Variants in LRP1B observed in about 807,000 individuals in gnomAD.
LRP1B encodes LDL receptor related protein 1B, also known as low-density lipoprotein receptor-related protein 1B.
Under a neutral mutation model 556.6 loss-of-function variants are expected in LRP1B, and 217 were observed. The observed-to-expected ratio is 0.39, with a 90% CI of 0.35 to 0.44. The LOEUF is 0.44. LRP1B is among the 20% of genes least tolerant of loss of function. The pLI, the probability that LRP1B is intolerant of heterozygous loss-of-function variation, is 1.00. For synonymous variants in LRP1B, 2,047 were observed against 1,865.8 expected, an observed-to-expected ratio of 1.10 and a Z score of -2.50; for missense variants, 5,053 against 5,620.8, an observed-to-expected ratio of 0.90 and a Z score of 3.23.
intron 4 of LRP1B, among the ~76,000 whole-genome samples, chr2:141,247,788 T>C (rs1684121357): frequency 6.6e-6 from 1 of 152,202 alleles, no homozygotes; most frequent in African/African-American, 2.4e-5. Context: ...TCACACTCAC[T>C]ACTTTAAAGA....
intron 62 of LRP1B, among the ~76,000 whole-genome samples, chr2:140,455,766 T>C (rs979267720): frequency 1.3e-5 from 2 of 152,146 alleles, no homozygotes; most frequent in African/African-American, 4.8e-5. Context: ...AACTCAAACA[T>C]AGAATTCTAA....
chr2:141,445,285 A>G (rs763894088), intron 3 of LRP1B, among the ~76,000 whole-genome samples: 13 of 152,002 alleles, frequency 8.6e-5, no homozygotes, highest in Non-Finnish European at 1.3e-4. Flanking sequence ...CCCCTTTATC[A>G]TTTTTTATTG....
intron 3 of LRP1B, among the ~76,000 whole-genome samples, chr2:141,479,810 T>G (rs1284757506): frequency 6.6e-6 from 1 of 152,164 alleles, no homozygotes; most frequent in Non-Finnish European, 1.5e-5. Context: ...TTTTATTAAT[T>G]TTTAGATTTT....
At chr2:141,077,292 C>T (rs6735038) in intron 7 of LRP1B, among the ~76,000 whole-genome samples, 35,958 of 151,922 alleles carry the variant, frequency 0.24, 4,903 homozygotes, top group East Asian at 0.44. Context: ...AAAAAGTAGG[C>T]TATGCAATAC....
chr2:141,484,534 A>G (rs1683047871), intron 2 of LRP1B, among the ~76,000 whole-genome samples: 1 of 152,118 alleles, frequency 6.6e-6, no homozygotes, highest in African/African-American at 2.4e-5. Context: ...ATGGCATTGA[A>G]TCTATAAATT....
intron 7 of LRP1B, among the ~76,000 whole-genome samples, chr2:141,159,968 A>G (rs148903354): frequency 1.3e-5 from 2 of 152,188 alleles, no homozygotes; most frequent in African/African-American, 4.8e-5. Context: ...CAGAGAGGGT[A>G]ACAACACACA....
At chr2:141,036,356 A>G (rs1698532609) in intron 11 of LRP1B, among the ~76,000 whole-genome samples, 1 of 152,090 alleles carries the variant, frequency 6.6e-6, no homozygotes, top group South Asian at 2.1e-4. Context: ...CAAGAGAAAG[A>G]TGGAAGGCAA....
intron 1 of LRP1B, among the ~76,000 whole-genome samples, chr2:141,943,756 T>C (rs547395509): frequency 1.3e-5 from 2 of 152,204 alleles, no homozygotes; most frequent in Admixed American, 6.5e-5. Flanking sequence ...TGAAGTAGAA[T>C]AGAAGAGTCC....
At chr2:140,364,589 C>G in intron 72 of LRP1B, 72 bp downstream of exon 72, 4 of 1,559,818 alleles carry the variant, frequency 2.6e-6, no homozygotes, top group Middle Eastern at 3.4e-4. Flanking sequence ...CACCTCCCCA[C>G]TTCATTGATT....
At chr2:141,061,963 T>C (rs754310416) in intron 8 of LRP1B, 88 bp downstream of exon 8, 117 of 1,023,742 alleles carry the variant, frequency 1.1e-4, no homozygotes, top group Non-Finnish European at 1.7e-4. Flanking sequence ...CAGCTCGACT[T>C]TACAAGAAAT....
intron 19 of LRP1B, 152 bp downstream of exon 19, chr2:140,951,708 T>C (rs1425533592): frequency 6.6e-6 from 4 of 609,394 alleles, no homozygotes; most frequent in African/African-American, 1.9e-5. Context: ...TTCCCACTGA[T>C]GTGCTGCTAG....
At chr2:141,980,306 C>T (rs1266219312) in intron 1 of LRP1B, among the ~76,000 whole-genome samples, 1 of 152,018 alleles carries the variant, frequency 6.6e-6, no homozygotes, top group South Asian at 2.1e-4. Context: ...GGGCCACCAA[C>T]CTTATGATGC....
intron 3 of LRP1B, among the ~76,000 whole-genome samples, chr2:141,327,622 A>G (rs1192769344): frequency 2.0e-5 from 3 of 152,192 alleles, no homozygotes; most frequent in African/African-American, 7.2e-5. Context: ...GCCTTCTCCT[A>G]AAAAGAAGGG....
intron 2 of LRP1B, among the ~76,000 whole-genome samples, chr2:141,585,728 A>C (rs1376710455): frequency 6.6e-6 from 1 of 152,116 alleles, no homozygotes; most frequent in Non-Finnish European, 1.5e-5. Flanking sequence ...AATTATCAAG[A>C]CATTTTAAGA....
At chr2:141,894,715 C>T (rs147534550) in intron 1 of LRP1B, among the ~76,000 whole-genome samples, 1 of 151,244 alleles carries the variant, frequency 6.6e-6, no homozygotes, top group African/African-American at 2.4e-5. Flanking sequence ...AGGATGCTAA[C>T]AATCATAAAC....
At chr2:141,221,972 G>T (rs944319699) in intron 6 of LRP1B, among the ~76,000 whole-genome samples, 1 of 152,102 alleles carries the variant, frequency 6.6e-6, no homozygotes, top group Admixed American at 6.6e-5. Flanking sequence ...ACATCAAAAA[G>T]CTAGAAAGAT....
At chr2:141,002,495 A>G (rs1697455119) in intron 15 of LRP1B, among the ~76,000 whole-genome samples, 1 of 152,086 alleles carries the variant, frequency 6.6e-6, no homozygotes, top group Non-Finnish European at 1.5e-5. Context: ...CACATCCTTT[A>G]TATAAAATAG....
chr2:140,295,994 G>GA (rs2104996636), intron 84 of LRP1B, among the ~76,000 whole-genome samples: 1 of 151,534 alleles, frequency 6.6e-6, no homozygotes, highest in South Asian at 2.1e-4. Context: ...AACAGGAAGT[G>GA]AAAAAAAGGG....
chr2:141,251,097 G>A (rs966023880), intron 4 of LRP1B, among the ~76,000 whole-genome samples: 4 of 152,146 alleles, frequency 2.6e-5, no homozygotes, highest in African/African-American at 7.2e-5. Flanking sequence ...TCTGGGTTGA[G>A]GGGTATGGGG....
Sources: gnomAD v4.1 joint callset for allele counts (sites outside exome capture counted in the v4.1 genomes callset) on GRCh38, gnomAD v4.1.1 for gene constraint, MANE v1.5 for transcripts, NCBI Gene and HGNC (gene_info 2026-07-23, HGNC 2026-07-21) for gene names.